The following RAD51B variants were observed in gnomAD, a reference collection of about 807,000 sequenced individuals.
RAD51B encodes the protein DNA repair protein RAD51 homolog 2.
RAD51B carries 38 observed loss-of-function variants against 42.2 expected under a neutral mutation model. The ratio of observed to expected loss-of-function variants is 0.90; its 90% CI spans 0.70 to 1.18. RAD51B has a LOEUF of 1.18. RAD51B is among the 50% of genes most tolerant of loss of function. The pLI, the probability that RAD51B is intolerant of heterozygous loss-of-function variation, is 0.00. For synonymous variants in RAD51B, 154 were observed against 145.2 expected (o/e 1.06, Z -0.43); for missense variants, 373 against 400.7 (o/e 0.93, Z 0.59).
chr14:68,162,454 A>G (rs1158174945), intron 7 of RAD51B, among the ~76,000 whole-genome samples: 2 of 152,210 alleles, frequency 1.3e-5, no homozygotes, highest in East Asian at 3.8e-4. Context: ...TTAATATTTC[A>G]TATAGAAGTT....
rs116749343 is a variant in RAD51B at position 68,602,460 on chromosome 14, C to A, written c.1037-8546C>A. Among the ~76,000 whole-genome samples the A allele has an allele frequency of 6.9e-3, 1,044 of 151,216 alleles. 10 individuals carry two copies. The highest frequency in any genetic ancestry group is 0.024 in the African/African-American group (990 of 41,048). On this transcript the variant is annotated intron_variant, in intron 10 of 10. Coordinates refer to the RAD51B transcript ENST00000487861. ...GAAACAGAACCAACAGGGTTGGATG[C>A]GGATAGATGGGTGGGTGGGTGGATG...
At chr14:68,282,261 G>T in intron 7 of RAD51B, among the ~76,000 whole-genome samples, 1 of 152,178 alleles carries the variant, frequency 6.6e-6, no homozygotes, top group Admixed American at 6.5e-5. Context: ...GGGATTACAG[G>T]CATGAGCCAC....
intron 7 of RAD51B, among the ~76,000 whole-genome samples, chr14:67,964,106 G>A (rs796637780): frequency 5.3e-5 from 8 of 151,880 alleles, no homozygotes; most frequent in African/African-American, 1.7e-4. Flanking sequence ...TTTATACAAT[G>A]ATGGGCAAAC....
rs189559857 is a variant in RAD51B, at chr14:68,324,544, C to T, written c.853+32564C>T. ...ACGTGCTCTGGCTTTCAAGTGGCAT[C>T]TTCTAATGATCTGAAAGACCTCTCT... On this transcript the variant is annotated intron_variant, in intron 8 of 10. Transcript: ENST00000471583. 6.6e-5 allele frequency among the ~76,000 whole-genome samples: 10 copies of T among 152,258 alleles called. No individual in the cohort carries two copies. The East Asian group carries it at 1.9e-3, about 29-fold the overall frequency.
At chr14:68,217,948 G>A (rs1255448286) in intron 7 of RAD51B, among the ~76,000 whole-genome samples, 1 of 152,142 alleles carries the variant, frequency 6.6e-6, no homozygotes, top group Non-Finnish European at 1.5e-5. Flanking sequence ...ATAATTCTCA[G>A]TAGTTACCAG....
At chr14:67,960,300 C>T (rs2074637720) in intron 7 of RAD51B, among the ~76,000 whole-genome samples, 1 of 152,160 alleles carries the variant, frequency 6.6e-6, no homozygotes, top group South Asian at 2.1e-4. Context: ...AATGGTTTGA[C>T]ACTACTTTAC....
chr14:68,501,993 G>T (rs929707763), intron 10 of RAD51B, among the ~76,000 whole-genome samples: 4 of 152,216 alleles, frequency 2.6e-5, no homozygotes, highest in African/African-American at 9.6e-5. Flanking sequence ...CCCAGATGCT[G>T]ATTCGCCAGG....
intron 9 of RAD51B, among the ~76,000 whole-genome samples, chr14:68,445,910 G>C (rs2085409499): frequency 1.3e-5 from 2 of 152,212 alleles, no homozygotes; most frequent in Admixed American, 1.3e-4. Context: ...AACGGTTTAA[G>C]GTATTGGAGG....
Position 68,552,331 on chromosome 14 carries a change from CA to C in RAD51B, c.1037-42153del, listed in dbSNP as rs547487359. Reference sequence around the variant, plus strand: ...CGTTCTTGGTTATATAGGACTGCCCCATATATTGCAGGGTGTGTAGCAACAC... The same window carrying C: ...CGTTCTTGGTTATATAGGACTGCCCCTATATTGCAGGGTGTGTAGCAACAC... On this transcript the variant is annotated intron_variant, in intron 10 of 10. Coordinates refer to the RAD51B transcript ENST00000487270. Among the ~76,000 whole-genome samples the C allele has an allele frequency of 3.1e-3, 466 of 152,240 alleles. 1 individual carries two copies. Among genetic ancestry groups the C allele is most frequent in the African/African-American group, 0.011 (439 of 41,512 alleles).
chr14:68,223,886 A>T (rs1011443677), intron 7 of RAD51B, among the ~76,000 whole-genome samples: 1 of 152,236 alleles, frequency 6.6e-6, no homozygotes. Context: ...CTTAGCCAGC[A>T]GGGAGGGAGG....
intron 7 of RAD51B, among the ~76,000 whole-genome samples, chr14:68,238,422 T>C (rs369613345): frequency 6.6e-6 from 1 of 152,168 alleles, no homozygotes; most frequent in East Asian, 1.9e-4. Context: ...CACCTCAGCC[T>C]CCCAAGTAGC....
chr14:68,081,173 G>C (rs1383769109), intron 7 of RAD51B, among the ~76,000 whole-genome samples: 1 of 152,154 alleles, frequency 6.6e-6, no homozygotes, highest in Non-Finnish European at 1.5e-5. Context: ...GTCCTATAAT[G>C]AGGTGCCTAA....
intron 10 of RAD51B, chr14:68,628,206 T>A (rs1892136258): frequency 6.6e-6 from 1 of 152,286 alleles, no homozygotes; most frequent in African/African-American, 2.4e-5. Context: ...TCATTTTATC[T>A]TGAGCTGTGT....
At position 68,633,908 on chromosome 14, in the gene RAD51B, G is replaced by T. The variant is rs138693029; in HGVS notation, c.1037-16873G>T. Among the ~76,000 whole-genome samples, 620 of 152,350 alleles carry T rather than the reference G, an allele frequency of 4.1e-3. 4 individuals are homozygous for T. The highest frequency in any genetic ancestry group is 0.015 in the African/African-American group (604 of 41,574). On this transcript the variant is annotated intron_variant, in intron 10 of 11. Transcript: ENST00000488612. ...GAGACCACAGCTCAGGCTCACTTGG[G>T]TGGTAGCCAGAAGCAACTGCCCAAG...
chr14:68,579,244 A>C (rs1432619345), intron 10 of RAD51B, among the ~76,000 whole-genome samples: 1 of 152,160 alleles, frequency 6.6e-6, no homozygotes, highest in African/African-American at 2.4e-5. Context: ...AGCTGCTTTC[A>C]AATCACCAAA....
At chr14:68,155,631 G>C (rs941322893) in intron 7 of RAD51B, among the ~76,000 whole-genome samples, 3 of 152,128 alleles carry the variant, frequency 2.0e-5, no homozygotes, top group Admixed American at 2.0e-4. Flanking sequence ...CTCTTCTTAT[G>C]GTTCCTATAA....
intron 7 of RAD51B, among the ~76,000 whole-genome samples, chr14:67,942,635 G>A (rs1201238461): frequency 6.6e-6 from 1 of 152,206 alleles, no homozygotes; most frequent in Non-Finnish European, 1.5e-5. Context: ...AACTTAAAGT[G>A]AAGGTTTACG....
At chr14:68,326,889 C>T (rs1311912596) in intron 8 of RAD51B, among the ~76,000 whole-genome samples, 2 of 151,916 alleles carry the variant, frequency 1.3e-5, no homozygotes, top group African/African-American at 4.9e-5. Context: ...ATAGAGGGGG[C>T]TGTGTGGAAA....
intron 11 of RAD51B, among the ~76,000 whole-genome samples, chr14:68,654,317 G>C (rs1401746374): frequency 3.3e-5 from 5 of 152,226 alleles, no homozygotes; most frequent in Non-Finnish European, 1.5e-5. Context: ...AGTTTGGGCT[G>C]TGCCCACCTT....
Sources: gnomAD v4.1 joint callset for allele counts (sites outside exome capture counted in the v4.1 genomes callset) on GRCh38, gnomAD v4.1.1 for gene constraint, MANE v1.5 for transcripts, NCBI Gene and HGNC (gene_info 2026-07-23, HGNC 2026-07-21) for gene names.